Variants in HIVEP1 observed in about 807,000 individuals in gnomAD.
HIVEP1 encodes the protein HIVEP zinc finger 1, also known as zinc finger protein 40.
Under a neutral mutation model 180.0 loss-of-function variants are expected in HIVEP1, and 36 were observed. The ratio of observed to expected loss-of-function variants is 0.20; its 90% confidence interval spans 0.15 to 0.26. The LOEUF (loss-of-function observed/expected upper bound fraction) is 0.26. HIVEP1 is among the 10% of genes least tolerant of loss of function. The probability of loss-of-function intolerance (pLI) is 1.00; values close to 1 mark genes in which losing one functional copy is unlikely to be tolerated. For synonymous variants in HIVEP1, 1,239 were observed against 1,239.0 expected (o/e 1.00, Z 0.00); for missense variants, 3,143 against 3,268.7 (o/e 0.96, Z 0.94).
chr6:12,046,939 C>T (rs1770178691), intron 2 of HIVEP1, among the ~76,000 whole-genome samples: 1 of 149,944 alleles, frequency 6.7e-6, no homozygotes. Flanking sequence ...TGGCTCACTG[C>T]AATCTTCGCC....
intron 2 of HIVEP1, among the ~76,000 whole-genome samples, chr6:12,020,890 C>CTTTTTTTTTTTTTT (rs70981658): frequency 2.8e-5 from 3 of 105,774 alleles, no homozygotes; most frequent in South Asian, 3.1e-4. Context: ...TTCTTTCTTT[C>CTTTTTTTTTTTTTT]TTTTTTTTTT....
At chr6:12,075,273 C>T (rs1353876329) in intron 2 of HIVEP1, among the ~76,000 whole-genome samples, 3 of 152,248 alleles carry the variant, frequency 2.0e-5, no homozygotes, top group African/African-American at 7.2e-5. Flanking sequence ...GTCTTTGACC[C>T]TATCTCCCAA....
chr6:12,096,780 A>G (rs967570573), intron 3 of HIVEP1, among the ~76,000 whole-genome samples: 2 of 152,038 alleles, frequency 1.3e-5, no homozygotes, highest in African/African-American at 4.8e-5. Flanking sequence ...ACAAGGACAT[A>G]TTCTTGTAAT....
At chr6:12,087,473 G>A (rs1773185409) in intron 2 of HIVEP1, among the ~76,000 whole-genome samples, 1 of 152,042 alleles carries the variant, frequency 6.6e-6, no homozygotes, top group African/African-American at 2.4e-5. Context: ...TGATTCTTAA[G>A]TTTGGGTGAA....
At chr6:12,166,654 G>A (rs1309320514), downstream of HIVEP1, among the ~76,000 whole-genome samples, 2 of 152,084 alleles carry the variant, frequency 1.3e-5, no homozygotes, top group South Asian at 2.1e-4. Flanking sequence ...CTATTTCTCC[G>A]AAGTCGTCTT....
chr6:12,108,748 C>T (rs965891445), intron 3 of HIVEP1, among the ~76,000 whole-genome samples: 1 of 152,192 alleles, frequency 6.6e-6, no homozygotes, highest in Non-Finnish European at 1.5e-5. Context: ...CGCGCGCACC[C>T]CCGGTTCCCG....
At chr6:12,177,121 C>T in the HIVEP1 span, among the ~76,000 whole-genome samples, 1 of 152,112 alleles carries the variant, frequency 6.6e-6, no homozygotes, top group African/African-American at 2.4e-5. Context: ...GATGAGAACT[C>T]ATGGACACAA....
intron 2 of HIVEP1, among the ~76,000 whole-genome samples, chr6:12,072,322 G>A (rs1478834235): frequency 3.9e-5 from 6 of 152,076 alleles, no homozygotes; most frequent in African/African-American, 1.4e-4. Flanking sequence ...GGGTAATTTG[G>A]CTAGATATAG....
the HIVEP1 span, among the ~76,000 whole-genome samples, chr6:12,186,897 T>TA: frequency 6.6e-6 from 1 of 151,338 alleles, no homozygotes; most frequent in African/African-American, 2.4e-5. Flanking sequence ...TTTTTTTTTT[T>TA]AGCGAAAAGA....
chr6:12,043,663 A>C (rs1353880585), intron 2 of HIVEP1, among the ~76,000 whole-genome samples: 2 of 152,068 alleles, frequency 1.3e-5, no homozygotes, highest in Admixed American at 1.3e-4. Flanking sequence ...CACCGTGCCC[A>C]GCCGTGTAAT....
At chr6:12,051,660 A>AT (rs897945299) in intron 2 of HIVEP1, among the ~76,000 whole-genome samples, 9 of 151,688 alleles carry the variant, frequency 5.9e-5, no homozygotes, top group East Asian at 1.9e-4. Flanking sequence ...CAGTCTAACC[A>AT]TTTTTTTTGT....
chr6:12,061,121 T>C (rs1771202325), intron 2 of HIVEP1, among the ~76,000 whole-genome samples: 1 of 152,162 alleles, frequency 6.6e-6, no homozygotes, highest in Non-Finnish European at 1.5e-5. Context: ...GTAACGTGAC[T>C]GTGCACATAC....
intron 7 of HIVEP1, among the ~76,000 whole-genome samples, chr6:12,160,093 A>G (rs1407522486): frequency 6.6e-6 from 1 of 152,224 alleles, no homozygotes; most frequent in African/African-American, 2.4e-5. Flanking sequence ...TAAACTGTAC[A>G]TTGTCTAATG....
the HIVEP1 span, among the ~76,000 whole-genome samples, chr6:12,190,591 C>G: frequency 6.6e-6 from 1 of 152,106 alleles, no homozygotes; most frequent in African/African-American, 2.4e-5. Context: ...TGGTGGTCAC[C>G]CATTCAGAGA....
Position 12,123,803 on chromosome 6 carries a change from C to T in HIVEP1, c.4008C>T (p.Ile1336=), listed in dbSNP as rs1419162053. The change falls in exon 4 of 9, where the codon ATC becomes ATT. Residue 1336 remains isoleucine, a synonymous_variant. Transcript: ENST00000379388. The part of the protein sequence containing the change: ...DVSKTEASPK[I]DFLNKAEFLM... Reference sequence around the variant, plus strand: ...CTAAAACGGAGGCTTCCCCCAAAATCGATTTTCTAAATAAAGCCGAGTTTC... The same window carrying T: ...CTAAAACGGAGGCTTCCCCCAAAATTGATTTTCTAAATAAAGCCGAGTTTC... The T allele has an allele frequency of 6.8e-6, 11 of 1,614,046 alleles. No individual in the cohort carries two copies. Among genetic ancestry groups the T allele is most frequent in the African/African-American group, 1.3e-5 (1 of 74,928 alleles).
chr6:12,187,330 G>C, the HIVEP1 span, among the ~76,000 whole-genome samples: 1 of 152,068 alleles, frequency 6.6e-6, no homozygotes, highest in Non-Finnish European at 1.5e-5. Flanking sequence ...GGTCATGGGG[G>C]CAAACCTCTC....
the HIVEP1 span, among the ~76,000 whole-genome samples, chr6:12,193,931 A>G: frequency 6.6e-6 from 1 of 152,224 alleles, no homozygotes; most frequent in African/African-American, 2.4e-5. Flanking sequence ...ATGAGAAACA[A>G]TTAATTCAAT....
rs147754201 is a variant in HIVEP1, at chr6:12,074,116, A to G, written c.41-15068A>G. On this transcript the variant is annotated intron_variant, in intron 2 of 8. Transcript: ENST00000379388. ...CTTATGCATGAAAACATTTTATTTG[A>G]TTAAAATATTTTCATCTCCACTAAA... Among the ~76,000 whole-genome samples, 85 of 152,306 alleles carry G rather than the reference A, an allele frequency of 5.6e-4. 1 individual carries two copies. The East Asian group carries it at 0.015, about 28-fold the overall frequency.
At chr6:12,132,007 T>C (rs1758452340) in intron 6 of HIVEP1, among the ~76,000 whole-genome samples, 4 of 152,132 alleles carry the variant, frequency 2.6e-5, no homozygotes. Flanking sequence ...TTAGTACTCT[T>C]TAAGTGCCAG....
Sources: allele counts gnomAD v4.1 joint callset (sites outside exome capture counted in the v4.1 genomes callset), GRCh38; gene constraint gnomAD v4.1.1; transcripts MANE v1.5; gene names NCBI Gene and HGNC (gene_info 2026-07-23, HGNC 2026-07-21).